Variants in FAM171A1 observed in about 807,000 individuals in gnomAD.
The protein encoded by FAM171A1 is family with sequence similarity 171 member A1.
In FAM171A1, 23 loss-of-function variants were observed where a neutral mutation model predicts 74.9. The observed-to-expected ratio is 0.31, with a 90% CI of 0.22 to 0.44. FAM171A1 has a LOEUF of 0.44. Ranked by LOEUF, FAM171A1 falls within the 20% of genes least tolerant of loss-of-function variation. FAM171A1 has a pLI of 1.00. For synonymous variants in FAM171A1, 527 were observed against 505.7 expected (o/e 1.04, Z -0.57); for missense variants, 1,162 against 1,159.2 (o/e 1.00, Z -0.03).
chr10:15,320,440 A>C (rs60285805), intron 1 of FAM171A1, among the ~76,000 whole-genome samples: 3,295 of 152,314 alleles, frequency 0.022, 128 homozygotes, highest in African/African-American at 0.075. Context: ...ATATGCGTAC[A>C]TGTCTCTTTA....
At chr10:15,300,744 G>A (rs2131827078) in intron 1 of FAM171A1, among the ~76,000 whole-genome samples, 1 of 152,278 alleles carries the variant, frequency 6.6e-6, no homozygotes, top group East Asian at 1.9e-4. Context: ...TTTCTCATCT[G>A]TAAGAAATGG....
intron 3 of FAM171A1, among the ~76,000 whole-genome samples, chr10:15,274,727 T>C (rs1302592556): frequency 6.6e-6 from 1 of 152,112 alleles, no homozygotes; most frequent in Non-Finnish European, 1.5e-5. Context: ...TTAGAAATAA[T>C]ACCACACATC....
At chr10:15,290,580 C>A (rs1835091222) in intron 1 of FAM171A1, among the ~76,000 whole-genome samples, 1 of 152,144 alleles carries the variant, frequency 6.6e-6, no homozygotes, top group African/African-American at 2.4e-5. Context: ...GACCCCTGAC[C>A]CTCAGGAGCT....
chr10:15,321,973 A>G (rs1835492036), intron 1 of FAM171A1, among the ~76,000 whole-genome samples: 1 of 152,248 alleles, frequency 6.6e-6, no homozygotes, highest in African/African-American at 2.4e-5. Flanking sequence ...GAGCCAAGAC[A>G]GCCACATATG....
At chr10:15,225,542 C>A (rs1272047941) in intron 5 of FAM171A1, among the ~76,000 whole-genome samples, 2 of 152,174 alleles carry the variant, frequency 1.3e-5, no homozygotes, top group African/African-American at 2.4e-5. Context: ...GAAACACATG[C>A]TTCTCATGGC....
intron 1 of FAM171A1, among the ~76,000 whole-genome samples, chr10:15,292,403 A>C (rs1449587522): frequency 1.3e-5 from 2 of 152,112 alleles, no homozygotes; most frequent in Non-Finnish European, 2.9e-5. Context: ...CATTGCTCCC[A>C]CCATCCCCAC....
At chr10:15,267,085 C>T (rs1048160832) in intron 3 of FAM171A1, among the ~76,000 whole-genome samples, 11 of 152,120 alleles carry the variant, frequency 7.2e-5, no homozygotes, top group Admixed American at 5.2e-4. Context: ...CTTCTCCTTC[C>T]GAAATCTGGC....
At chr10:15,224,407 G>A (rs1834078995) in intron 5 of FAM171A1, among the ~76,000 whole-genome samples, 1 of 152,142 alleles carries the variant, frequency 6.6e-6, no homozygotes, top group African/African-American at 2.4e-5. Flanking sequence ...TTTGCTGCAG[G>A]AGGACATGGG....
intron 2 of FAM171A1, among the ~76,000 whole-genome samples, chr10:15,282,067 T>C (rs1834977221): frequency 1.3e-5 from 2 of 152,240 alleles, no homozygotes; most frequent in South Asian, 4.1e-4. Flanking sequence ...AGCATTCTGT[T>C]GGTGATTTTG....
chr10:15,321,563 TAA>T (rs1003718348), intron 1 of FAM171A1, among the ~76,000 whole-genome samples: 4 of 152,160 alleles, frequency 2.6e-5, no homozygotes, highest in African/African-American at 9.7e-5. Flanking sequence ...TTCACTAAAA[TAA>T]AAACTTTTTT....
chr10:15,341,826 C>T (rs1438470848), intron 1 of FAM171A1, among the ~76,000 whole-genome samples: 1 of 152,196 alleles, frequency 6.6e-6, no homozygotes, highest in African/African-American at 2.4e-5. Flanking sequence ...GACATCACTG[C>T]CTAGACAGAG....
At chr10:15,373,895 G>C (rs1435380118), upstream of FAM171A1, among the ~76,000 whole-genome samples, 1 of 152,160 alleles carries the variant, frequency 6.6e-6, no homozygotes, top group African/African-American at 2.4e-5. Context: ...ACTGTATCAA[G>C]CTTGTCCAAC....
intron 5 of FAM171A1, among the ~76,000 whole-genome samples, chr10:15,229,353 AGGAATAAT>A (rs1189298116): frequency 6.6e-6 from 1 of 152,070 alleles, no homozygotes; most frequent in Non-Finnish European, 1.5e-5. Context: ...AGCTCGTTTG[AGGAATAAT>A]CTTCTTAAGA....
intron 1 of FAM171A1, among the ~76,000 whole-genome samples, chr10:15,322,431 T>C (rs758443614): frequency 1.3e-5 from 2 of 152,196 alleles, no homozygotes; most frequent in Admixed American, 6.5e-5. Flanking sequence ...AGTCTGCAGA[T>C]TTAAAGGAAT....
rs766525839 is a variant in FAM171A1, at chr10:15,212,953, G to A, written c.2635C>T (p.Arg879Trp). The change falls in exon 8 of 8, where the codon CGG becomes TGG. Residue 879 changes from arginine (R) to tryptophan (W), a missense_variant. By Grantham distance (101) the Arg-to-Trp change is moderately radical. Transcript: ENST00000378116. ...AACGCCATCAGGGGCCTCTCCTCCCGTTTCTGCCAGGGGCTTTTCTTGTCT... is the reference window on the plus strand; with the variant it reads ...AACGCCATCAGGGGCCTCTCCTCCCATTTCTGCCAGGGGCTTTTCTTGTCT... ...GEDKKSPWQK[R>W]EERPLMAFNI... 5 of 1,614,052 alleles carry A rather than the reference G, an allele frequency of 3.1e-6. No individual in the cohort carries two copies. The highest frequency in any genetic ancestry group is 2.7e-5 in the African/African-American group (2 of 75,014).
intron 1 of FAM171A1, among the ~76,000 whole-genome samples, chr10:15,304,653 G>A (rs1039420370): frequency 6.6e-6 from 1 of 152,150 alleles, no homozygotes. Context: ...TTCTCTGTGT[G>A]GCCCTGCCTG....
Position 15,220,955 on chromosome 10 carries a change from G to A in FAM171A1, c.860C>T (p.Pro287Leu), listed in dbSNP as rs770380687. ...TGGCTCCGTGTTACCTGGGATGGGA[G>A]GGGACATGGCGGCCACCCAGTACCC... Reference protein sequence around the residue: ...QLGYWVAAMSPPIPGPVVTQD... With the variant: ...QLGYWVAAMSLPIPGPVVTQD... Residue 287 changes from proline (P) to leucine (L), a missense_variant, in exon 6 of 8, where the codon CCT (proline) becomes CTT (leucine). Physicochemically the swap from Pro to Leu is moderately conservative, Grantham distance 98. Transcript: ENST00000378116. 6 of 1,613,108 alleles carry A rather than the reference G, an allele frequency of 3.7e-6. No individual in the cohort carries two copies. The highest frequency in any genetic ancestry group is 5.1e-6 in the Non-Finnish European group (6 of 1,179,542).
intron 2 of FAM171A1, among the ~76,000 whole-genome samples, chr10:15,282,581 C>T (rs942642959): frequency 3.9e-5 from 6 of 152,250 alleles, no homozygotes; most frequent in East Asian, 1.9e-4. Flanking sequence ...CTGTGAACAA[C>T]GACAATTGAC....
At chr10:15,339,837 G>A (rs181982098) in intron 1 of FAM171A1, among the ~76,000 whole-genome samples, 40 of 152,302 alleles carry the variant, frequency 2.6e-4, no homozygotes, top group Non-Finnish European at 4.6e-4. Context: ...TCACAGTTCC[G>A]TGTGGCTCGG....
Sources: allele counts gnomAD v4.1 joint callset (sites outside exome capture counted in the v4.1 genomes callset), GRCh38; gene constraint gnomAD v4.1.1; transcripts MANE v1.5; gene names NCBI Gene and HGNC (gene_info 2026-07-23, HGNC 2026-07-21).